The following ADAM32 variants were observed in gnomAD, a reference collection of about 807,000 sequenced individuals.
ADAM32 encodes disintegrin and metalloproteinase domain-containing protein 32.
A neutral mutation model predicts 114.9 loss-of-function variants in ADAM32; 89 were observed. The ratio of observed to expected loss-of-function variants is 0.77; its 90% CI spans 0.65 to 0.92. The LOEUF is 0.92. Among genes scored for constraint, ADAM32 ranks in the 40% least tolerant of loss-of-function variants. The pLI is 0.00. For synonymous variants in ADAM32, 285 were observed against 307.5 expected, an observed-to-expected ratio of 0.93 and a Z score of 0.77; for missense variants, 870 against 932.8, an observed-to-expected ratio of 0.93 and a Z score of 0.88.
chr8:39,219,962 T>A (rs1447221467), intron 12 of ADAM32, among the ~76,000 whole-genome samples: 1 of 152,170 alleles, frequency 6.6e-6, no homozygotes, highest in African/African-American at 2.4e-5. Flanking sequence ...TAGTATTAGG[T>A]CCAATTGGTC....
At chr8:39,256,285 C>A (rs1012049321) in intron 18 of ADAM32, among the ~76,000 whole-genome samples, 2 of 151,978 alleles carry the variant, frequency 1.3e-5, no homozygotes, top group African/African-American at 4.8e-5. Flanking sequence ...AACCTCTCTT[C>A]CTCAGCTTTA....
chr8:39,283,868 C>T (rs1036318685), intron 24 of ADAM32, among the ~76,000 whole-genome samples: 6 of 151,064 alleles, frequency 4.0e-5, no homozygotes, highest in Admixed American at 6.6e-5. Flanking sequence ...CAGCCTCCCG[C>T]GTTCAAGCGA....
intron 3 of ADAM32, among the ~76,000 whole-genome samples, chr8:39,140,340 G>A (rs980920461): frequency 7.6e-4 from 116 of 152,102 alleles, no homozygotes; most frequent in African/African-American, 2.8e-3. Context: ...TCAATACCTG[G>A]TTTATTGAGA....
chr8:39,138,526 G>A (rs1464236992), intron 3 of ADAM32, among the ~76,000 whole-genome samples: 1 of 152,092 alleles, frequency 6.6e-6, no homozygotes, highest in African/African-American at 2.4e-5. Flanking sequence ...TGGCTGCATA[G>A]TATTCCATGG....
At chr8:39,129,174 T>G (rs72640050) in intron 2 of ADAM32, among the ~76,000 whole-genome samples, 3,186 of 151,090 alleles carry the variant, frequency 0.021, 44 homozygotes, top group Non-Finnish European at 0.035. Flanking sequence ...AACAGGATCA[T>G]GCCACTGCAA....
intron 19 of ADAM32, among the ~76,000 whole-genome samples, chr8:39,258,792 T>C (rs1364472823): frequency 1.3e-5 from 2 of 152,174 alleles, no homozygotes; most frequent in East Asian, 3.9e-4. Context: ...TTCAGTGGGT[T>C]GTAGCTTTCC....
At chr8:39,259,856 A>G (rs1481135567) in intron 19 of ADAM32, among the ~76,000 whole-genome samples, 1 of 152,198 alleles carries the variant, frequency 6.6e-6, no homozygotes, top group African/African-American at 2.4e-5. Context: ...TTACATGAAC[A>G]CTGCATTTCC....
chr8:39,200,083 T>C (rs918671906), intron 11 of ADAM32, among the ~76,000 whole-genome samples: 11 of 152,160 alleles, frequency 7.2e-5, no homozygotes, highest in African/African-American at 1.2e-4. Flanking sequence ...AATAAACATA[T>C]GTGTGCATGT....
At chr8:39,184,507 C>A (rs544077623) in intron 10 of ADAM32, among the ~76,000 whole-genome samples, 4 of 152,292 alleles carry the variant, frequency 2.6e-5, no homozygotes, top group South Asian at 2.1e-4. Flanking sequence ...GCACTTAGAC[C>A]AGTAGACTAA....
chr8:39,277,092 A>G lies in ADAM32; in HGVS notation c.2279+1226A>G, dbSNP rs557823041. ...TGTTCACATGCATGCATGCACACACATTCATATATCCATGATGATGTTGTC... is the reference window on the plus strand; with the variant it reads ...TGTTCACATGCATGCATGCACACACGTTCATATATCCATGATGATGTTGTC... On this transcript the variant is annotated intron_variant, in intron 22 of 24. Coordinates refer to ENST00000379907, the MANE Select transcript of ADAM32 (RefSeq NM_145004.7). Among the ~76,000 whole-genome samples, 96 of 152,336 alleles carry G rather than the reference A, an allele frequency of 6.3e-4. 2 individuals are homozygous for G. In the South Asian group the frequency reaches 0.02, roughly 31 times the overall value.
At chr8:39,239,115 G>A (rs191214172) in intron 16 of ADAM32, among the ~76,000 whole-genome samples, 8 of 152,086 alleles carry the variant, frequency 5.3e-5, no homozygotes, top group Admixed American at 1.3e-4. Context: ...TAGGCACATG[G>A]TCATCAGGTT....
In ADAM32 at chr8:39,257,282, GT is replaced by G. The variant is rs1225892064; in HGVS notation, c.2105del (p.Leu702TrpfsTer6). 6.2e-7 allele frequency: 1 copy of G among 1,612,870 alleles called. No homozygotes were observed. Among genetic ancestry groups the G allele is most frequent in the African/African-American group, 1.3e-5 (1 of 74,778 alleles). The stretch of plus-strand genomic sequence containing the variant: ...TATTCTCATTGTAACAACCGCAATA[GT>G]TTTGGCAAGGAAACAGTTGAAAAAG... Reference protein sequence around the residue: ...LPILIVTTAIVLARKQLKKWF... With the variant: ...LPILIVTTAIXLARKQLKKWF... On this transcript the variant is annotated frameshift_variant, in exon 19 of 25. Transcript: ENST00000379907. LOFTEE classifies it high-confidence loss of function.
At chr8:39,174,088 G>A (rs566316053) in intron 10 of ADAM32, among the ~76,000 whole-genome samples, 1 of 152,234 alleles carries the variant, frequency 6.6e-6, no homozygotes, top group Non-Finnish European at 1.5e-5. Context: ...GCCTCCCAAA[G>A]TGTTGGGGTT....
At chr8:39,136,096 C>G (rs547367198) in intron 2 of ADAM32, among the ~76,000 whole-genome samples, 3 of 152,172 alleles carry the variant, frequency 2.0e-5, no homozygotes, top group African/African-American at 7.2e-5. Flanking sequence ...CCCTTTTGCT[C>G]TATAAAATCT....
At chr8:39,226,678 C>T (rs1429925715) in intron 14 of ADAM32, among the ~76,000 whole-genome samples, 1 of 151,842 alleles carries the variant, frequency 6.6e-6, no homozygotes, top group Non-Finnish European at 1.5e-5. Context: ...CAAAGCTCTT[C>T]TTCGGAAATA....
At chr8:39,139,434 C>A (rs185112976) in intron 3 of ADAM32, among the ~76,000 whole-genome samples, 3 of 152,134 alleles carry the variant, frequency 2.0e-5, no homozygotes, top group Non-Finnish European at 4.4e-5. Context: ...AATAGGGAAT[C>A]CTTTCCCCAT....
intron 3 of ADAM32, among the ~76,000 whole-genome samples, chr8:39,146,854 T>C (rs1262762852): frequency 6.6e-6 from 1 of 152,236 alleles, no homozygotes; most frequent in African/African-American, 2.4e-5. Flanking sequence ...ACTACCTTTA[T>C]ATCAGGTTGA....
rs1807456881 is a variant in ADAM32, at chr8:39,202,021, T to C, written c.1053-9123T>C. On this transcript the variant is annotated intron_variant, in intron 11 of 24. Transcript: ENST00000379907. The stretch of plus-strand genomic sequence containing the variant: ...AAGCTTTTTGATGTGCTGCTGGATT[T>C]GGTTTGCCAGTATTTTATTGAGGAT... Among the ~76,000 whole-genome samples, 4 of 152,302 alleles carry C rather than the reference T, an allele frequency of 2.6e-5. No homozygotes were observed. The South Asian group carries it at 8.3e-4, about 32-fold the overall frequency.
intron 2 of ADAM32, chr8:39,131,919 G>A: frequency 4.8e-6 from 1 of 206,384 alleles, no homozygotes. Flanking sequence ...TTGAGATGGA[G>A]TTTCGCTCTT....
Sources: allele counts gnomAD v4.1 joint callset (sites outside exome capture counted in the v4.1 genomes callset), GRCh38; gene constraint gnomAD v4.1.1; transcripts MANE v1.5; gene names NCBI Gene and HGNC (gene_info 2026-07-23, HGNC 2026-07-21).